Variants in RAP1GAP2 observed in about 807,000 individuals in gnomAD.
RAP1GAP2 encodes rap1 GTPase-activating protein 2.
A neutral mutation model predicts 95.0 loss-of-function variants in RAP1GAP2; 27 were observed. The ratio of observed to expected loss-of-function variants is 0.28; its 90% CI spans 0.21 to 0.39. RAP1GAP2 has a LOEUF of 0.39. Among genes scored for constraint, RAP1GAP2 ranks in the 10% least tolerant of loss-of-function variants. The pLI is 1.00. For synonymous variants in RAP1GAP2, 373 were observed against 380.9 expected (o/e 0.98, Z 0.24); for missense variants, 771 against 970.0 (o/e 0.79, Z 2.72).
Position 3,005,950 on chromosome 17 carries a change from T to A in RAP1GAP2, c.1273-5T>A. Reference sequence around the variant, plus strand: ...CAGACCTGAGGTCCGTCTTGTCTCTTCCAGGGCCCGGAATTCAGGGAGTTT... The same window carrying A: ...CAGACCTGAGGTCCGTCTTGTCTCTACCAGGGCCCGGAATTCAGGGAGTTT... On this transcript the variant is annotated splice_region_variant and splice_polypyrimidine_tract_variant and intron_variant, in intron 15 of 24. Transcript: ENST00000254695. This position sits in a 1 kb window ranked among gnomAD's most constrained non-coding sequence, Gnocchi z 5.2. The A allele has an allele frequency of 1.2e-6, 2 of 1,613,526 alleles. No homozygotes were observed. The highest frequency in any genetic ancestry group is 1.7e-6 in the Non-Finnish European group (2 of 1,179,586).
At chr17:2,877,979 G>T (rs1416443430) in intron 2 of RAP1GAP2, among the ~76,000 whole-genome samples, 1 of 152,060 alleles carries the variant, frequency 6.6e-6, no homozygotes, top group Admixed American at 6.6e-5. Context: ...GGGGATTGGG[G>T]TGCATTGACT....
intron 2 of RAP1GAP2, among the ~76,000 whole-genome samples, chr17:2,851,066 A>G (rs2071827768): frequency 6.6e-6 from 1 of 152,192 alleles, no homozygotes; most frequent in African/African-American, 2.4e-5. Context: ...CTCAAGAAAA[A>G]AAAAAAAAAA....
intron 2 of RAP1GAP2, among the ~76,000 whole-genome samples, chr17:2,878,382 G>A (rs933614940): frequency 1.3e-5 from 2 of 152,158 alleles, no homozygotes; most frequent in South Asian, 2.1e-4. Context: ...ATGAGGAGTC[G>A]TCCTTGGGTT....
intron 1 of RAP1GAP2, among the ~76,000 whole-genome samples, chr17:2,788,771 AGAAT>A (rs1429634638): frequency 6.6e-6 from 1 of 152,196 alleles, no homozygotes; most frequent in Non-Finnish European, 1.5e-5. Context: ...GCTCAGGCAG[AGAAT>A]GAACTCTCCT....
chr17:3,035,790 C>T lies in RAP1GAP2; in HGVS notation c.*2429C>T, dbSNP rs1349341621. The T allele has an allele frequency of 2.0e-5, 3 of 152,286 alleles. No homozygotes were observed. Among genetic ancestry groups the T allele is most frequent in the Non-Finnish European group, 4.4e-5 (3 of 68,114 alleles). The allele number at this position is 152,286 out of a possible 1,614,324, so 9.4% of individuals were successfully genotyped here. On this transcript the variant is annotated 3_prime_UTR_variant, in exon 25 of 25. Transcript: ENST00000254695. The surrounding 1 kb of genome is among the most constrained non-coding windows in gnomAD (Gnocchi z 4.3). ...GACCACGGGGCGGGCAGCTCGGGTTCCTGGAGGGCTGTTTCCCCCACGCTG... is the reference window on the plus strand; with the variant it reads ...GACCACGGGGCGGGCAGCTCGGGTTTCTGGAGGGCTGTTTCCCCCACGCTG...
At chr17:2,760,035 T>C (rs1259780702) in intron 1 of RAP1GAP2, among the ~76,000 whole-genome samples, 1 of 152,106 alleles carries the variant, frequency 6.6e-6, no homozygotes, top group African/African-American at 2.4e-5. Flanking sequence ...TTGCTCATGC[T>C]GCGATTAACA....
intron 2 of RAP1GAP2, among the ~76,000 whole-genome samples, chr17:2,896,356 C>T (rs955110699): frequency 6.6e-6 from 1 of 152,198 alleles, no homozygotes; most frequent in Non-Finnish European, 1.5e-5. Flanking sequence ...CCACTGTCCC[C>T]TCCTCGCTCC....
intron 2 of RAP1GAP2, among the ~76,000 whole-genome samples, chr17:2,872,915 C>T (rs949864971): frequency 2.6e-5 from 4 of 151,982 alleles, no homozygotes; most frequent in Admixed American, 6.6e-5. Context: ...CCTCCAACCT[C>T]AGCCTCCCAA....
At position 3,037,363 on chromosome 17, in the gene RAP1GAP2, T is replaced by TA. The variant is rs2047494541; in HGVS notation, c.*4003dup. 4.5e-5 allele frequency: 2 copies of TA among 44,330 alleles called. No individual in the cohort carries two copies. The highest frequency in any genetic ancestry group is 6.0e-5 in the Non-Finnish European group (1 of 16,536). The allele number at this position is 44,330 out of a possible 1,614,324, so 2.7% of individuals were successfully genotyped here. On this transcript the variant is annotated 3_prime_UTR_variant, in exon 25 of 25. Coordinates refer to ENST00000254695, the MANE Select transcript of RAP1GAP2 (RefSeq NM_015085.5). Reference sequence around the variant, plus strand: ...GACATTTCTGCTTGGAAGTGTGAACTACCCCCCCCCCCCCGCTTCCTGCTC... The same window carrying TA: ...GACATTTCTGCTTGGAAGTGTGAACTAACCCCCCCCCCCCCGCTTCCTGCTC...
rs1369340498 is a variant in RAP1GAP2, at chr17:2,857,492, TC to T, written c.81-47791del. On this transcript the variant is annotated intron_variant, in intron 2 of 24. Transcript: ENST00000254695. This position sits in a 1 kb window ranked among gnomAD's most constrained non-coding sequence, Gnocchi z 4.0. ...TTTCGAGAAATGGGCGTGGTGATCA[TC>T]ATGTTGGACTTGACCGTGCTCTACG... 6.6e-6 allele frequency among the ~76,000 whole-genome samples: 1 copy of T among 152,182 alleles called. No individual in the cohort carries two copies. Among genetic ancestry groups the T allele is most frequent in the East Asian group, 1.9e-4 (1 of 5,194 alleles).
intron 2 of RAP1GAP2, 53 bp downstream of exon 2, chr17:2,800,603 G>T: frequency 1.3e-6 from 2 of 1,579,222 alleles, no homozygotes; most frequent in South Asian, 2.3e-5. Context: ...GGATCAGAGC[G>T]CCGGGCCCTT....
rs980209855 is a variant in RAP1GAP2, at chr17:2,888,060, A to G, written c.81-17224A>G. 3.9e-5 allele frequency among the ~76,000 whole-genome samples: 6 copies of G among 152,314 alleles called. No individual in the cohort carries two copies. In the East Asian group the frequency reaches 1.2e-3, roughly 29 times the overall value. ...CCCCAGGGAATAGCAGGAGCTTGGT[A>G]ACAGACCAAATAGGTGGGGAAGTGG... is the stretch of plus-strand genomic sequence containing the variant. On this transcript the variant is annotated intron_variant, in intron 2 of 24. Coordinates refer to ENST00000254695, the MANE Select transcript of RAP1GAP2 (RefSeq NM_015085.5).
chr17:2,942,790 C>T (rs185757560), intron 3 of RAP1GAP2, among the ~76,000 whole-genome samples: 30 of 152,176 alleles, frequency 2.0e-4, no homozygotes, highest in African/African-American at 6.0e-4. Flanking sequence ...ATTTTTGAGA[C>T]GGAGTCTTGC....
chr17:2,918,779 C>T lies in RAP1GAP2; in HGVS notation c.165+13411C>T, dbSNP rs151042763. ...TCCAGCACTGAGGGTTACAGTCCCA[C>T]GTGAGATTTGAGTGGGGACACAAAT... On this transcript the variant is annotated intron_variant, in intron 3 of 24. Coordinates refer to ENST00000254695, the MANE Select transcript of RAP1GAP2 (RefSeq NM_015085.5). Among the ~76,000 whole-genome samples, 377 of 152,176 alleles carry T rather than the reference C, an allele frequency of 2.5e-3. 3 individuals carry two copies. The highest frequency in any genetic ancestry group is 8.7e-3 in the African/African-American group (363 of 41,488).
intron 3 of RAP1GAP2, among the ~76,000 whole-genome samples, chr17:2,948,112 C>T (rs1363631095): frequency 6.6e-6 from 1 of 152,200 alleles, no homozygotes; most frequent in Non-Finnish European, 1.5e-5. Context: ...GTGCCAGGCT[C>T]TGTACACGCT....
chr17:2,764,861 C>T (rs1019452081), intron 1 of RAP1GAP2, among the ~76,000 whole-genome samples: 5 of 152,216 alleles, frequency 3.3e-5, no homozygotes, highest in African/African-American at 9.6e-5. Flanking sequence ...TCTCCCTCCT[C>T]GGAGGCAACC....
intron 2 of RAP1GAP2, among the ~76,000 whole-genome samples, chr17:2,841,606 G>A (rs995208345): frequency 6.6e-6 from 1 of 151,954 alleles, no homozygotes; most frequent in Non-Finnish European, 1.5e-5. Context: ...GTGCCCGGCC[G>A]ATTTGGGGAC....
At chr17:2,809,531 C>T (rs372071142) in intron 2 of RAP1GAP2, among the ~76,000 whole-genome samples, 10 of 152,294 alleles carry the variant, frequency 6.6e-5, no homozygotes, top group East Asian at 1.9e-4. Context: ...CTCAGCTCCC[C>T]GGGTCCTCAT....
In RAP1GAP2 at chr17:3,027,368, C is replaced by T. The variant is rs1308929180; in HGVS notation, c.2107+298C>T. 1.3e-5 allele frequency among the ~76,000 whole-genome samples: 2 copies of T among 152,104 alleles called. No individual in the cohort carries two copies. The highest frequency in any genetic ancestry group is 4.8e-5 in the African/African-American group (2 of 41,412). On this transcript the variant is annotated intron_variant, in intron 22 of 24. Coordinates refer to ENST00000254695, the MANE Select transcript of RAP1GAP2 (RefSeq NM_015085.5). This position sits in a 1 kb window ranked among gnomAD's most constrained non-coding sequence, Gnocchi z 5.2. The stretch of plus-strand genomic sequence containing the variant: ...GGAAAGCTGAGCACTTTCCATTAGC[C>T]CTTCTCCCCACCTGCCAGTGCTCCA...
Sources: gnomAD v4.1 joint callset for allele counts (sites outside exome capture counted in the v4.1 genomes callset) on GRCh38, gnomAD v4.1.1 for gene constraint, Gnocchi (gnomAD v3.1) non-coding constraint, MANE v1.5 for transcripts, NCBI Gene and HGNC (gene_info 2026-07-23, HGNC 2026-07-21) for gene names.